The following EPS15 variants were observed in gnomAD, a reference collection of about 807,000 sequenced individuals.
The protein encoded by EPS15 is epidermal growth factor receptor substrate 15.
In EPS15, 72 loss-of-function variants were observed where a neutral mutation model predicts 113.8. The ratio of observed to expected loss-of-function variants is 0.63; its 90% CI spans 0.52 to 0.77. The LOEUF is 0.77. Ranked by LOEUF, EPS15 falls within the 30% of genes least tolerant of loss-of-function variation. The probability of loss-of-function intolerance (pLI) is 0.00; values close to 1 mark genes in which losing one functional copy is unlikely to be tolerated. For missense variants in EPS15, 1,048 were observed against 1,045.8 expected, an observed-to-expected ratio of 1.00 and a Z score of -0.03; for synonymous variants, 344 against 363.4, an observed-to-expected ratio of 0.95 and a Z score of 0.61.
chr1:51,415,906 T>C (rs977497539), intron 13 of EPS15, among the ~76,000 whole-genome samples: 1 of 143,214 alleles, frequency 7.0e-6, no homozygotes, highest in Non-Finnish European at 1.5e-5. Context: ...CTGCACAAAA[T>C]CAAAATGAAC....
At chr1:51,374,996 CTTTTT>C (rs761941054) in intron 21 of EPS15, among the ~76,000 whole-genome samples, 4 of 108,772 alleles carry the variant, frequency 3.7e-5, no homozygotes, top group Non-Finnish European at 7.4e-5. Flanking sequence ...TAATATACTT[CTTTTT>C]TTTTTTTTTT....
intron 16 of EPS15, among the ~76,000 whole-genome samples, chr1:51,405,525 C>T (rs1649024490): frequency 6.6e-6 from 1 of 151,978 alleles, no homozygotes; most frequent in African/African-American, 2.4e-5. Flanking sequence ...GATGAAACCC[C>T]ATCTCTACTA....
chr1:51,483,697 G>A (rs1217619364), intron 1 of EPS15, among the ~76,000 whole-genome samples: 2 of 151,928 alleles, frequency 1.3e-5, no homozygotes, highest in African/African-American at 2.4e-5. Flanking sequence ...TCCCAGCTAC[G>A]TGGAAGGCTG....
At chr1:51,412,404 TTC>T (rs988199789) in intron 13 of EPS15, among the ~76,000 whole-genome samples, 1 of 152,232 alleles carries the variant, frequency 6.6e-6, no homozygotes, top group Non-Finnish European at 1.5e-5. Context: ...GATGTTCTCT[TTC>T]TGATTCCTTT....
At chr1:51,372,133 C>T (rs1354445098) in intron 21 of EPS15, 3 of 368,892 alleles carry the variant, frequency 8.1e-6, no homozygotes, top group Non-Finnish European at 1.6e-5. Context: ...CATGACTATA[C>T]ATAAATTCAT....
At chr1:51,362,241 T>C (rs1203885257) in intron 23 of EPS15, among the ~76,000 whole-genome samples, 1 of 152,214 alleles carries the variant, frequency 6.6e-6, no homozygotes, top group Non-Finnish European at 1.5e-5. Context: ...CCTGTGAAAG[T>C]AGGCAAAATT....
At chr1:51,500,621 T>A (rs1464107561) in intron 1 of EPS15, among the ~76,000 whole-genome samples, 2 of 151,940 alleles carry the variant, frequency 1.3e-5, no homozygotes, top group Non-Finnish European at 2.9e-5. Flanking sequence ...GCTCAAGCAA[T>A]CCTCCTGCCT....
chr1:51,386,764 A>G (rs1396475544), intron 21 of EPS15, among the ~76,000 whole-genome samples: 1 of 152,262 alleles, frequency 6.6e-6, no homozygotes, highest in African/African-American at 2.4e-5. Flanking sequence ...AGGGAAGTTT[A>G]GAGAAAAAAG....
At chr1:51,389,447 C>T (rs1453309199) in intron 21 of EPS15, among the ~76,000 whole-genome samples, 25 of 152,260 alleles carry the variant, frequency 1.6e-4, no homozygotes, top group African/African-American at 4.1e-4. Context: ...CTATTCAACA[C>T]AGTGTTGGAA....
Position 51,356,703 on chromosome 1 carries a change from T to C in EPS15, c.2688A>G (p.Ala896=). ...TGCCAAAGAACAAGAGAATTCTTCATGCTTCTGATATCTCAGATTTGCTGA... is the reference window on the plus strand; with the variant it reads ...TGCCAAAGAACAAGAGAATTCTTCACGCTTCTGATATCTCAGATTTGCTGA... ...IALSKSEISE[A] is the part of the protein sequence containing the mutation. The change falls in exon 25 of 25, where the codon GCA becomes GCG. Residue 896 remains alanine (A), a synonymous_variant. Transcript: ENST00000371733. 2 of 1,613,196 alleles carry C rather than the reference T, an allele frequency of 1.2e-6. No individual in the cohort carries two copies. The highest frequency in any genetic ancestry group is 1.1e-5 in the South Asian group (1 of 90,874).
At chr1:51,369,319 G>A (rs1316532288) in intron 21 of EPS15, among the ~76,000 whole-genome samples, 1 of 152,168 alleles carries the variant, frequency 6.6e-6, no homozygotes, top group South Asian at 2.1e-4. Context: ...GGCCCGTTCA[G>A]AAAGCAGGAC....
chr1:51,393,242 A>T (rs193240839), intron 21 of EPS15, among the ~76,000 whole-genome samples: 142 of 152,306 alleles, frequency 9.3e-4, no homozygotes, highest in African/African-American at 3.3e-3. Context: ...TTGGAGACAG[A>T]GTCTCACTCT....
At chr1:51,490,780 G>A (rs940359380) in intron 1 of EPS15, among the ~76,000 whole-genome samples, 1 of 152,072 alleles carries the variant, frequency 6.6e-6, no homozygotes, top group African/African-American at 2.4e-5. Context: ...TACGCTTACA[G>A]TTACATGAAC....
intron 23 of EPS15, among the ~76,000 whole-genome samples, chr1:51,361,732 C>T (rs1233544272): frequency 6.6e-6 from 1 of 152,150 alleles, no homozygotes; most frequent in Non-Finnish European, 1.5e-5. Flanking sequence ...AAATGGCCTG[C>T]CTCTGCTGTT....
At chr1:51,398,734 T>C (rs1358174062) in intron 20 of EPS15, among the ~76,000 whole-genome samples, 1 of 152,246 alleles carries the variant, frequency 6.6e-6, no homozygotes, top group East Asian at 1.9e-4. Context: ...TTATGTAAGA[T>C]TGGCTTATAA....
At chr1:51,372,891 T>C in intron 21 of EPS15, 2 of 789,032 alleles carry the variant, frequency 2.5e-6, no homozygotes, top group Non-Finnish European at 3.7e-6. Flanking sequence ...AGGAGCTACC[T>C]GGAAAAAACA....
At chr1:51,372,178 A>C (rs1316547186) in intron 21 of EPS15, 1 of 393,236 alleles carries the variant, frequency 2.5e-6, no homozygotes, top group Non-Finnish European at 5.1e-6. Flanking sequence ...TTCATTAAAA[A>C]ATTAAGTAGT....
At chr1:51,404,888 T>C (rs1037895057) in intron 16 of EPS15, among the ~76,000 whole-genome samples, 3 of 152,320 alleles carry the variant, frequency 2.0e-5, no homozygotes, top group Admixed American at 6.5e-5. Context: ...CCAGAGGTAA[T>C]GCAGATGCCT....
chr1:51,357,391 A>AAT lies in EPS15; in HGVS notation c.2545-547_2545-546dup, dbSNP rs869072153. ...GATTCCATCTGAAAAAAAAAAAAAA[A>AAT]ATATATATATATATATATATATATA... On this transcript the variant is annotated intron_variant, in intron 24 of 24. Coordinates refer to ENST00000371733, the MANE Select transcript of EPS15 (RefSeq NM_001981.3). 4.3e-3 allele frequency among the ~76,000 whole-genome samples: 282 copies of AAT among 65,656 alleles called. 6 individuals carry two copies. Among genetic ancestry groups the AAT allele is most frequent in the Non-Finnish European group, 5.3e-3 (203 of 38,448 alleles). 43.1% of individuals were successfully genotyped at this position (65,656 alleles called of 152,430 possible).
Sources: allele counts gnomAD v4.1 joint callset (sites outside exome capture counted in the v4.1 genomes callset), GRCh38; gene constraint gnomAD v4.1.1; transcripts MANE v1.5; gene names NCBI Gene and HGNC (gene_info 2026-07-23, HGNC 2026-07-21).